FER: variants seen among roughly 807,000 people sequenced by gnomAD.
The protein encoded by FER is tyrosine-protein kinase Fer.
Under a neutral mutation model 111.0 loss-of-function variants are expected in FER, and 63 were observed. The ratio of observed to expected loss-of-function variants is 0.57; its 90% CI spans 0.46 to 0.70. The LOEUF (loss-of-function observed/expected upper bound fraction) is 0.70, where lower values mean the gene tolerates loss of function less well. Ranked by LOEUF, FER falls within the 30% of genes least tolerant of loss-of-function variation. The pLI is 0.00. For synonymous variants in FER, 327 were observed against 313.9 expected (o/e 1.04, Z -0.44); for missense variants, 914 against 954.0 (o/e 0.96, Z 0.55).
rs190606816 is a variant in FER at position 109,182,526 on chromosome 5, T to G, written c.2203+1625T>G. 2.6e-5 allele frequency among the ~76,000 whole-genome samples: 4 copies of G among 152,280 alleles called. No homozygotes were observed. The East Asian group carries it at 7.7e-4, about 29-fold the overall frequency. ...GGATGATCACAGGATAAAAGATAGA[T>G]TATAATACTCAATATTTACACAAAG... On this transcript the variant is annotated intron_variant, in intron 18 of 19. Transcript: ENST00000281092.
intron 13 of FER, among the ~76,000 whole-genome samples, chr5:109,011,702 ATT>A (rs1349671770): frequency 1.3e-5 from 2 of 152,030 alleles, no homozygotes; most frequent in Admixed American, 1.3e-4. Flanking sequence ...GTTCAGGGCT[ATT>A]TTATCTTTTT....
chr5:109,115,044 A>G (rs762278439), intron 17 of FER, among the ~76,000 whole-genome samples: 10 of 151,994 alleles, frequency 6.6e-5, no homozygotes, highest in Non-Finnish European at 1.2e-4. Flanking sequence ...GCCAGTAGAT[A>G]TTTTGTTGCT....
intron 16 of FER, 143 bp downstream of exon 16, chr5:109,047,341 T>TA (rs923590560): frequency 1.3e-5 from 7 of 520,642 alleles, no homozygotes; most frequent in Non-Finnish European, 2.1e-5. Flanking sequence ...AGTCTGTACC[T>TA]ATAGTCAGTA....
chr5:108,791,326 G>A lies in FER; in HGVS notation c.-59-6798G>A, dbSNP rs182837357. ...TACATGTCTGTCTTTTTTGATTAGAGACATTCTAATGGTGTGAAATAGTTA... is the reference window on the plus strand; with the variant it reads ...TACATGTCTGTCTTTTTTGATTAGAAACATTCTAATGGTGTGAAATAGTTA... On this transcript the variant is annotated intron_variant, in intron 2 of 19. Transcript: ENST00000281092. Among the ~76,000 whole-genome samples the A allele has an allele frequency of 9.1e-4, 124 of 136,522 alleles. No homozygotes were observed. The Middle Eastern group carries it at 0.02, about 22-fold the overall frequency. 89.6% of individuals were successfully genotyped at this position (136,522 alleles called of 152,430 possible). A position where few individuals can be genotyped will look rare whatever the true frequency, so the allele number is the denominator to read the frequency against.
intron 10 of FER, among the ~76,000 whole-genome samples, chr5:108,941,288 A>G (rs1468907889): frequency 6.6e-6 from 1 of 152,194 alleles, no homozygotes; most frequent in Non-Finnish European, 1.5e-5. Flanking sequence ...CAGCCTGTCA[A>G]AAAAAGGAGT....
Position 108,798,296 on chromosome 5 carries a change from T to C in FER, c.114T>C (p.Ser38=). The C allele has an allele frequency of 1.9e-6, 3 of 1,613,890 alleles. No homozygotes were observed. Among genetic ancestry groups the C allele is most frequent in the Non-Finnish European group, 2.5e-6 (3 of 1,179,816 alleles). Residue 38 remains serine, a synonymous_variant, in exon 3 of 20, where the codon AGT becomes AGC. Transcript: ENST00000281092. The part of the protein sequence containing the change: ...VKKFMALRIK[S]DKEYASTLQN... ...AATTTATGGCCCTGAGAATAAAAAG[T>C]GATAAAGAATATGCATCTACTTTAC...
At chr5:108,897,526 T>C in intron 9 of FER, 133 bp from the exon 10 acceptor site, 1 of 601,678 alleles carries the variant, frequency 1.7e-6, no homozygotes, top group Non-Finnish European at 2.6e-6. Context: ...AAAATCTGCT[T>C]AGTTTCATAT....
intron 18 of FER, among the ~76,000 whole-genome samples, chr5:109,183,738 C>G (rs7706494): frequency 6.6e-6 from 1 of 152,070 alleles, no homozygotes; most frequent in African/African-American, 2.4e-5. Context: ...ACATGCCAGC[C>G]TGGGCAACAC....
chr5:109,091,047 T>C (rs59337218), intron 16 of FER, among the ~76,000 whole-genome samples: 28,887 of 152,198 alleles, frequency 0.19, 2,884 homozygotes, highest in Non-Finnish European at 0.22. Flanking sequence ...TTGTCAGCCT[T>C]ACCATGTTGT....
At chr5:109,105,243 TGTG>T (rs1748761926) in intron 17 of FER, among the ~76,000 whole-genome samples, 1 of 114,310 alleles carries the variant, frequency 8.7e-6, no homozygotes, top group Non-Finnish European at 2.1e-5. Flanking sequence ...TGTGTGTGTG[TGTG>T]TGTGTGTGTG....
intron 10 of FER, among the ~76,000 whole-genome samples, chr5:108,914,251 G>A (rs957521248): frequency 6.6e-6 from 1 of 152,008 alleles, no homozygotes; most frequent in Non-Finnish European, 1.5e-5. Flanking sequence ...GTGTGTGTGT[G>A]TGTGTGTGTG....
chr5:108,898,332 C>T (rs1372378181), intron 10 of FER, among the ~76,000 whole-genome samples: 2 of 152,088 alleles, frequency 1.3e-5, no homozygotes, highest in Middle Eastern at 3.2e-3. Context: ...CATTCAAATT[C>T]ACCAACTTGA....
intron 3 of FER, among the ~76,000 whole-genome samples, chr5:108,832,274 A>G (rs769426450): frequency 1.3e-5 from 2 of 152,222 alleles, no homozygotes; most frequent in Admixed American, 1.3e-4. Flanking sequence ...CAAGCCAGGA[A>G]TTTTGGAAAT....
intron 13 of FER, among the ~76,000 whole-genome samples, chr5:109,021,400 A>G (rs1392908459): frequency 2.0e-5 from 3 of 152,052 alleles, no homozygotes; most frequent in African/African-American, 7.2e-5. Flanking sequence ...ATAAGGGTAT[A>G]CTTAACATAA....
intron 17 of FER, among the ~76,000 whole-genome samples, chr5:109,135,718 T>C (rs1752822422): frequency 1.3e-5 from 2 of 152,164 alleles, no homozygotes; most frequent in South Asian, 4.1e-4. Context: ...TATTCCCATT[T>C]CTTTGTAAAT....
intron 2 of FER, among the ~76,000 whole-genome samples, chr5:108,770,216 G>A (rs560213284): frequency 2.0e-5 from 3 of 152,142 alleles, no homozygotes; most frequent in Admixed American, 2.0e-4. Context: ...CCAAAGTGCC[G>A]GGGTTACAGG....
chr5:109,093,708 C>G (rs141000267), intron 16 of FER, among the ~76,000 whole-genome samples: 1,814 of 152,100 alleles, frequency 0.012, 17 homozygotes, highest in Non-Finnish European at 0.02. Flanking sequence ...GTCATTTTAT[C>G]TCACATCTCT....
chr5:108,796,625 T>C (rs572679389), intron 2 of FER, among the ~76,000 whole-genome samples: 8 of 152,184 alleles, frequency 5.3e-5, no homozygotes, highest in African/African-American at 1.9e-4. Context: ...TTTCCTCAAG[T>C]AGAAGAGCCT....
chr5:109,186,833 G>A (rs936955022), intron 19 of FER, among the ~76,000 whole-genome samples: 1 of 152,186 alleles, frequency 6.6e-6, no homozygotes, highest in Non-Finnish European at 1.5e-5. Flanking sequence ...AAGAAAGCTC[G>A]TGATAAAATA....
Sources: allele counts gnomAD v4.1 joint callset (sites outside exome capture counted in the v4.1 genomes callset), GRCh38; gene constraint gnomAD v4.1.1; transcripts MANE v1.5; gene names NCBI Gene and HGNC (gene_info 2026-07-23, HGNC 2026-07-21).